The following ADARB2 variants were observed in gnomAD, a reference collection of about 807,000 sequenced individuals.
ADARB2 encodes the protein inactive double-stranded RNA-specific editase B2.
ADARB2 carries 25 observed loss-of-function variants against 62.2 expected under a neutral mutation model. The ratio of observed to expected loss-of-function variants is 0.40; its 90% CI spans 0.29 to 0.56. The LOEUF (loss-of-function observed/expected upper bound fraction) is 0.56. Ranked by LOEUF, ADARB2 falls within the 20% of genes least tolerant of loss-of-function variation. ADARB2 has a pLI of 0.43. For missense variants in ADARB2, 1,071 were observed against 1,077.4 expected (o/e 0.99, Z 0.08); for synonymous variants, 572 against 500.8 (o/e 1.14, Z -1.90).
intron 1 of ADARB2, among the ~76,000 whole-genome samples, chr10:1,586,000 C>T (rs1440185959): frequency 6.6e-6 from 1 of 152,148 alleles, no homozygotes; most frequent in African/African-American, 2.4e-5. Context: ...CGCCACTGCA[C>T]TCCAGCCTGG....
intron 1 of ADARB2, among the ~76,000 whole-genome samples, chr10:1,684,158 C>T (rs1024035646): frequency 6.6e-6 from 1 of 152,208 alleles, no homozygotes; most frequent in Non-Finnish European, 1.5e-5. Context: ...CATCTATAGA[C>T]TCCAAGGTGT....
At chr10:1,284,644 T>C (rs892608387) in intron 3 of ADARB2, among the ~76,000 whole-genome samples, 1 of 152,148 alleles carries the variant, frequency 6.6e-6, no homozygotes, top group Admixed American at 6.5e-5. Context: ...CGGCCAAAGA[T>C]CTAAAGCAAG....
At chr10:1,442,457 C>T (rs1830917924) in intron 1 of ADARB2, among the ~76,000 whole-genome samples, 1 of 152,154 alleles carries the variant, frequency 6.6e-6, no homozygotes, top group African/African-American at 2.4e-5. Flanking sequence ...CTAGAGATGG[C>T]CATGCTGTGC....
Position 1,687,773 on chromosome 10 carries a change from G to A in ADARB2, c.100+49278C>T, listed in dbSNP as rs371670637. On this transcript the variant is annotated intron_variant, in intron 1 of 9. Coordinates refer to ENST00000381312, the MANE Select transcript of ADARB2 (RefSeq NM_018702.4). ...ATGAGGATTCAGGGCCGGGCAGGAG[G>A]GGGCTCAGGTGCCACAGGAGTCACA... Among the ~76,000 whole-genome samples the A allele has an allele frequency of 2.6e-5, 4 of 152,278 alleles. No homozygotes were observed. In the South Asian group the frequency reaches 8.3e-4, roughly 32 times the overall value.
intron 1 of ADARB2, among the ~76,000 whole-genome samples, chr10:1,569,180 CAG>C (rs902227149): frequency 1.3e-5 from 2 of 149,038 alleles, no homozygotes; most frequent in Non-Finnish European, 3.0e-5. Context: ...AGGAGAGGGA[CAG>C]AGAGAGAGAG....
chr10:1,309,584 T>C (rs883793), intron 3 of ADARB2, among the ~76,000 whole-genome samples: 7,945 of 152,320 alleles, frequency 0.052, 237 homozygotes, highest in African/African-American at 0.082. Flanking sequence ...GACGGATTAT[T>C]ATCATTCCAA....
chr10:1,578,561 G>A (rs1013096658), intron 1 of ADARB2, among the ~76,000 whole-genome samples: 4 of 151,846 alleles, frequency 2.6e-5, no homozygotes, highest in African/African-American at 9.7e-5. Flanking sequence ...CGTGGGTCTG[G>A]AGGCTCCCCT....
intron 1 of ADARB2, among the ~76,000 whole-genome samples, chr10:1,719,030 A>G (rs7907547): frequency 0.7 from 105,618 of 151,704 alleles, 37,461 homozygotes; most frequent in East Asian, 0.88. Flanking sequence ...GCGTGATGTC[A>G]GCTCGCTGCA....
chr10:1,342,210 G>T (rs74119530), intron 3 of ADARB2, among the ~76,000 whole-genome samples: 1,662 of 152,194 alleles, frequency 0.011, 32 homozygotes, highest in African/African-American at 0.037. Context: ...TTAACCCTCT[G>T]CCTGGATGTC....
rs182784829 is a variant in ADARB2, at chr10:1,590,590, G to A, written c.100+146461C>T. On this transcript the variant is annotated intron_variant, in intron 1 of 9. Transcript: ENST00000381312. Reference sequence around the variant, plus strand: ...GTTCCCCTCTGGCCGTTAGACGAGAGGCTCTGCAATGCTGACCGGAAAAAA... The same window carrying A: ...GTTCCCCTCTGGCCGTTAGACGAGAAGCTCTGCAATGCTGACCGGAAAAAA... Among the ~76,000 whole-genome samples the A allele has an allele frequency of 3.6e-3, 544 of 152,308 alleles. 3 individuals are homozygous for A. Among genetic ancestry groups the A allele is most frequent in the African/African-American group, 0.012 (511 of 41,568 alleles).
At position 1,573,753 on chromosome 10, in the gene ADARB2, T is replaced by C. The variant is rs889050251; in HGVS notation, c.100+163298A>G. ...GCAGGACGGTGCTCTACCCAGCCCC[T>C]CAAGGCAAGATGATGGGGGCCAGGA... On this transcript the variant is annotated intron_variant, in intron 1 of 9. Transcript: ENST00000381312. Among the ~76,000 whole-genome samples, 32 of 152,098 alleles carry C rather than the reference T, an allele frequency of 2.1e-4. 1 individual carries two copies. Among genetic ancestry groups the C allele is most frequent in the African/African-American group, 6.3e-4 (26 of 41,430 alleles).
At chr10:1,504,921 T>C (rs1445297345) in intron 1 of ADARB2, among the ~76,000 whole-genome samples, 1 of 151,898 alleles carries the variant, frequency 6.6e-6, no homozygotes, top group Non-Finnish European at 1.5e-5. Flanking sequence ...CACATGCGTG[T>C]GCGTGCACAC....
At chr10:1,460,761 AC>A (rs1564295958) in intron 1 of ADARB2, among the ~76,000 whole-genome samples, 11 of 125,156 alleles carry the variant, frequency 8.8e-5, no homozygotes, top group African/African-American at 1.8e-4. Context: ...TACCTGCGTA[AC>A]AAACCTGCCT....
intron 3 of ADARB2, among the ~76,000 whole-genome samples, chr10:1,335,505 AGATGGATGGATG>A (rs371618685): frequency 6.9e-6 from 1 of 145,392 alleles, no homozygotes; most frequent in Non-Finnish European, 1.5e-5. Context: ...GTAGAAGGAC[AGATGGATGGATG>A]GATGGATGGA....
At chr10:1,399,795 GTAA>G (rs1832647015) in intron 1 of ADARB2, among the ~76,000 whole-genome samples, 1 of 152,196 alleles carries the variant, frequency 6.6e-6, no homozygotes, top group Admixed American at 6.5e-5. Flanking sequence ...AGGACTATGA[GTAA>G]TAATAACAAC....
chr10:1,728,156 T>C (rs1022303359), intron 1 of ADARB2, among the ~76,000 whole-genome samples: 5 of 152,190 alleles, frequency 3.3e-5, no homozygotes, highest in African/African-American at 1.2e-4. Context: ...TCTTTTATGA[T>C]GTAAGAAGAT....
At chr10:1,568,386 G>A (rs976437692) in intron 1 of ADARB2, among the ~76,000 whole-genome samples, 3 of 152,190 alleles carry the variant, frequency 2.0e-5, no homozygotes, top group African/African-American at 4.8e-5. Flanking sequence ...GCGAACACAC[G>A]GTCCAGCTGC....
chr10:1,730,496 T>C (rs534267113), intron 1 of ADARB2, among the ~76,000 whole-genome samples: 2 of 152,302 alleles, frequency 1.3e-5, no homozygotes, highest in South Asian at 4.1e-4. Context: ...CCCTCTGCCT[T>C]GGAAGCAGCT....
chr10:1,610,206 C>T (rs554078972), intron 1 of ADARB2, among the ~76,000 whole-genome samples: 1 of 152,310 alleles, frequency 6.6e-6, no homozygotes, highest in East Asian at 1.9e-4. Flanking sequence ...GGGCTCCCTG[C>T]CTCCCTGCAG....
Sources: allele counts gnomAD v4.1 joint callset (sites outside exome capture counted in the v4.1 genomes callset), GRCh38; gene constraint gnomAD v4.1.1; transcripts MANE v1.5; gene names NCBI Gene and HGNC (gene_info 2026-07-23, HGNC 2026-07-21).